CRACD: variants seen among roughly 807,000 people sequenced by gnomAD.
CRACD encodes capping protein inhibiting regulator of actin dynamics, also known as capping protein-inhibiting regulator of actin dynamics.
A neutral mutation model predicts 106.8 loss-of-function variants in CRACD; 56 were observed. The observed-to-expected ratio is 0.52, with a 90% CI of 0.42 to 0.66. The LOEUF (loss-of-function observed/expected upper bound fraction) is 0.66. CRACD is among the 30% of genes least tolerant of loss of function. The pLI is 0.00. For missense variants in CRACD, 1,730 were observed against 1,623.2 expected, an observed-to-expected ratio of 1.07 and a Z score of -1.13; for synonymous variants, 754 against 670.8, an observed-to-expected ratio of 1.12 and a Z score of -1.92.
At chr4:56,281,794 T>A (rs1577851932) in intron 3 of CRACD, among the ~76,000 whole-genome samples, 1 of 152,162 alleles carries the variant, frequency 6.6e-6, no homozygotes, top group East Asian at 1.9e-4. Flanking sequence ...TAGAGGCAAG[T>A]TAGAAGATCG....
chr4:56,205,874 G>A (rs879357166), intron 2 of CRACD, among the ~76,000 whole-genome samples: 3 of 152,066 alleles, frequency 2.0e-5, no homozygotes, highest in Non-Finnish European at 2.9e-5. Context: ...ACAGATTTTG[G>A]TAATCCCGTA....
At chr4:56,081,158 C>A (rs13121092) in intron 1 of CRACD, among the ~76,000 whole-genome samples, 54,030 of 151,818 alleles carry the variant, frequency 0.36, 10,106 homozygotes, top group African/African-American at 0.48. Flanking sequence ...GATCCTGGCC[C>A]TGTCTTTTGT....
chr4:56,228,005 C>A (rs774962576), intron 2 of CRACD, among the ~76,000 whole-genome samples: 2 of 152,136 alleles, frequency 1.3e-5, no homozygotes, highest in Non-Finnish European at 2.9e-5. Context: ...TAAGGAGCAT[C>A]AGGTCAGTCA....
chr4:56,279,407 G>C (rs1044736093), intron 3 of CRACD, among the ~76,000 whole-genome samples: 1 of 152,134 alleles, frequency 6.6e-6, no homozygotes, highest in Non-Finnish European at 1.5e-5. Flanking sequence ...ATCTGACAAA[G>C]GGCTGATATC....
At chr4:56,121,020 G>C (rs1385191251) in intron 1 of CRACD, among the ~76,000 whole-genome samples, 1 of 152,128 alleles carries the variant, frequency 6.6e-6, no homozygotes, top group Non-Finnish European at 1.5e-5. Context: ...ATTAATCTCA[G>C]AACAGAAGGG....
In CRACD at chr4:56,202,543, A is replaced by T. The variant is rs1017712744; in HGVS notation, c.-189+23113A>T. ...ATTACAGGTGTGAGCCACCGCGCCCAGCATCAGCAACATTCTTAAGCTTTC... is the reference window on the plus strand; with the variant it reads ...ATTACAGGTGTGAGCCACCGCGCCCTGCATCAGCAACATTCTTAAGCTTTC... On this transcript the variant is annotated intron_variant, in intron 2 of 10. Coordinates refer to ENST00000682029, the MANE Select transcript of CRACD (RefSeq NM_001393381.1). Among the ~76,000 whole-genome samples, 23 of 152,330 alleles carry T rather than the reference A, an allele frequency of 1.5e-4. 1 individual carries two copies. The highest frequency in any genetic ancestry group is 3.9e-4 in the Admixed American group (6 of 15,298).
At chr4:56,066,871 T>C (rs1732482424) in intron 1 of CRACD, among the ~76,000 whole-genome samples, 1 of 152,078 alleles carries the variant, frequency 6.6e-6, no homozygotes, top group Non-Finnish European at 1.5e-5. Flanking sequence ...TAGGTGGGTA[T>C]TATATGTGAC....
chr4:56,153,424 C>A (rs1401882293), intron 1 of CRACD, among the ~76,000 whole-genome samples: 1 of 152,166 alleles, frequency 6.6e-6, no homozygotes, highest in African/African-American at 2.4e-5. Flanking sequence ...CTCCACCAAC[C>A]CCAGCTTCAC....
intron 1 of CRACD, among the ~76,000 whole-genome samples, chr4:56,167,395 G>T (rs1214016557): frequency 6.6e-6 from 1 of 152,168 alleles, no homozygotes; most frequent in Non-Finnish European, 1.5e-5. Context: ...ATAAAGTGGT[G>T]CTATGATATA....
At chr4:56,192,397 A>C (rs986733375) in intron 2 of CRACD, among the ~76,000 whole-genome samples, 6 of 151,738 alleles carry the variant, frequency 4.0e-5, no homozygotes, top group Non-Finnish European at 7.4e-5. Flanking sequence ...TCCATCTCAA[A>C]AAAAAAAAAA....
intron 2 of CRACD, among the ~76,000 whole-genome samples, chr4:56,187,312 G>C (rs373325294): frequency 6.6e-6 from 1 of 152,090 alleles, no homozygotes; most frequent in East Asian, 1.9e-4. Flanking sequence ...CCTCCCAGAG[G>C]TGTCATTCGA....
intron 2 of CRACD, among the ~76,000 whole-genome samples, chr4:56,187,321 G>A (rs572719285): frequency 4.4e-4 from 67 of 152,180 alleles, no homozygotes; most frequent in African/African-American, 8.4e-4. Context: ...GGTGTCATTC[G>A]AGCTGTCTTG....
In CRACD at chr4:56,314,458, A is replaced by T; in HGVS notation, c.956A>T (p.Glu319Val). Residue 319 changes from glutamate to valine, a missense_variant, in exon 8 of 11, where the codon GAG (glutamate) becomes GTG (valine). Coordinates refer to ENST00000682029, the MANE Select transcript of CRACD (RefSeq NM_001393381.1). This position sits in a 1 kb window ranked among gnomAD's most constrained non-coding sequence, Gnocchi z 4.4. ...EERERLEAEE[E>V]RRRLQAQAQA... Reference sequence around the variant, plus strand: ...CGCGAGCGCCTGGAGGCGGAGGAGGAGCGAAGGCGTCTGCAGGCCCAGGCC... The same window carrying T: ...CGCGAGCGCCTGGAGGCGGAGGAGGTGCGAAGGCGTCTGCAGGCCCAGGCC... The T allele has an allele frequency of 6.8e-7, 1 of 1,478,322 alleles. No homozygotes were observed. The allele number at this position is 1,478,322 out of a possible 1,614,324, so 91.6% of individuals were successfully genotyped here. A position where few individuals can be genotyped will look rare whatever the true frequency, so the allele number is the denominator to read the frequency against.
intron 2 of CRACD, among the ~76,000 whole-genome samples, chr4:56,193,778 T>C (rs557902622): frequency 6.6e-6 from 1 of 152,338 alleles, no homozygotes; most frequent in South Asian, 2.1e-4. Flanking sequence ...TAGGCTATTA[T>C]GTTTTATTTA....
chr4:56,312,171 G>T (rs1373444653), intron 6 of CRACD, among the ~76,000 whole-genome samples: 1 of 151,924 alleles, frequency 6.6e-6, no homozygotes, highest in Admixed American at 6.6e-5. Context: ...CAAAACTTTT[G>T]TGTGTGTGTG....
intron 3 of CRACD, among the ~76,000 whole-genome samples, chr4:56,284,463 G>A (rs1045968832): frequency 6.6e-6 from 1 of 151,944 alleles, no homozygotes; most frequent in South Asian, 2.1e-4. Context: ...GGTGGCTCAC[G>A]CCTGTAATCC....
At chr4:56,226,421 G>A (rs1389146237) in intron 2 of CRACD, among the ~76,000 whole-genome samples, 2 of 152,134 alleles carry the variant, frequency 1.3e-5, no homozygotes, top group Non-Finnish European at 2.9e-5. Context: ...TATGAAGTGA[G>A]TTTTCTTGGC....
Position 56,313,258 on chromosome 4 carries a change from G to T in CRACD, c.416G>T (p.Ser139Ile). The change falls in exon 7 of 11, where the codon AGT (serine) becomes ATT (isoleucine). Residue 139 changes from serine (S) to isoleucine (I), a missense_variant. Ser to Ile is a moderately radical substitution (Grantham distance 142, BLOSUM62 -2). Transcript: ENST00000682029. Reference sequence around the variant, plus strand: ...TTCTCTTCTGCTGGCACCATCGAAAGTGTCAACTTAGATGCCATCCCCCTG... The same window carrying T: ...TTCTCTTCTGCTGGCACCATCGAAATTGTCAACTTAGATGCCATCCCCCTG... ...RHFSSAGTIE[S>I]VNLDAIPLAI... 1.2e-6 allele frequency: 2 copies of T among 1,614,206 alleles called. No homozygotes were observed. Among genetic ancestry groups the T allele is most frequent in the South Asian group, 2.2e-5 (2 of 91,082 alleles).
In CRACD at chr4:56,289,466, G is replaced by A. The variant is rs574192151; in HGVS notation, c.-16-8748G>A. On this transcript the variant is annotated intron_variant, in intron 3 of 10. Transcript: ENST00000682029. ...GCAGGAGGATCGCTTGAGCCCAGGAGTTTGAGACCAGCCTGGGCAACATGG... is the reference window on the plus strand; with the variant it reads ...GCAGGAGGATCGCTTGAGCCCAGGAATTTGAGACCAGCCTGGGCAACATGG... 1.1e-4 allele frequency among the ~76,000 whole-genome samples: 16 copies of A among 152,230 alleles called. 1 individual carries two copies. The highest frequency in any genetic ancestry group is 3.9e-4 in the African/African-American group (16 of 41,552).
Sources: allele counts gnomAD v4.1 joint callset (sites outside exome capture counted in the v4.1 genomes callset), GRCh38; gene constraint gnomAD v4.1.1; non-coding constraint Gnocchi (gnomAD v3.1); transcripts MANE v1.5; gene names NCBI Gene and HGNC (gene_info 2026-07-23, HGNC 2026-07-21).